FANCA: variants seen among roughly 807,000 people sequenced by gnomAD.
FANCA encodes FA complementation group A.
FANCA carries 236 observed loss-of-function variants against 194.3 expected under a neutral mutation model. The ratio of observed to expected loss-of-function variants is 1.21; its 90% confidence interval spans 1.09 to 1.35. The LOEUF is 1.35. Among genes scored for constraint, FANCA ranks in the 40% most tolerant of loss-of-function variants. FANCA has a pLI of 0.00. For synonymous variants in FANCA, 1,014 were observed against 715.8 expected (o/e 1.42, Z -6.65); for missense variants, 2,628 against 1,813.9 (o/e 1.45, Z -8.15).
At chr16:89,811,211 G>C (rs879595670) in intron 3 of FANCA, 140 bp from the exon 4 acceptor site, 1 of 1,006,150 alleles carries the variant, frequency 9.9e-7, no homozygotes, top group Non-Finnish European at 1.5e-6. Flanking sequence ...TAGATGCAAA[G>C]GGAAAAACAT....
At chr16:89,780,099 C>A (rs1277325309) in intron 17 of FANCA, 142 bp from the exon 18 acceptor site, 1 of 779,140 alleles carries the variant, frequency 1.3e-6, no homozygotes, top group Admixed American at 2.0e-5. Context: ...GCTGTGCGCA[C>A]AGCAGGGGCC....
chr16:89,771,290 C>G (rs1448266604), intron 23 of FANCA, among the ~76,000 whole-genome samples: 1 of 151,998 alleles, frequency 6.6e-6, no homozygotes, highest in African/African-American at 2.4e-5. Context: ...GAAACCCCAA[C>G]TGTACAAAAA....
At chr16:89,746,970 T>C in intron 33 of FANCA, 80 bp from the exon 34 acceptor site, 3 of 1,346,028 alleles carry the variant, frequency 2.2e-6, no homozygotes, top group South Asian at 1.3e-5. Context: ...TGCTGTGGAT[T>C]CAGTTTTGAG....
rs2062031274 is a variant in FANCA, at chr16:89,738,686, C to G, written c.4283G>C (p.Cys1428Ser). 4 of 1,613,838 alleles carry G rather than the reference C, an allele frequency of 2.5e-6. No individual in the cohort carries two copies. Among genetic ancestry groups the G allele is most frequent in the African/African-American group, 1.3e-5 (1 of 74,938 alleles). ...VAELLADRGD[C>S]DPEVSAALQS... ...GAGGGCGGCGCTCACCTCTGGGTCGCAGTCCCCACGATCAGCCAGCAGCTG... is the reference window on the plus strand; with the variant it reads ...GAGGGCGGCGCTCACCTCTGGGTCGGAGTCCCCACGATCAGCCAGCAGCTG... The change falls in exon 43 of 43, where the codon TGC (cysteine) becomes TCC (serine). Residue 1428 changes from cysteine (C) to serine (S), a missense_variant. By Grantham distance (112) the Cys-to-Ser change is moderately radical. Coordinates refer to ENST00000389301, the MANE Select transcript of FANCA (RefSeq NM_000135.4).
Position 89,742,896 on chromosome 16 carries a change from G to A in FANCA, c.3669C>T (p.Asp1223=), listed in dbSNP as rs187074190. 2.4e-5 allele frequency: 38 copies of A among 1,614,186 alleles called. 1 individual carries two copies. The Admixed American group carries it at 5.5e-4, about 23-fold the overall frequency. ...AGTGCAGTGCAGCAGCTGAGAGCCA[G>A]TCCGGGTTGGGTGCTGGGGAGGCAG... The part of the protein sequence containing the change: ...PEAASPAPNP[D]WLSAAALHFA... Residue 1223 remains aspartate (D), a synonymous_variant, in exon 37 of 43, where the codon GAC becomes GAT. Transcript: ENST00000389301.
At chr16:89,751,989 C>A in intron 31 of FANCA, 149 bp downstream of exon 31, 4 of 768,866 alleles carry the variant, frequency 5.2e-6, no homozygotes, top group Non-Finnish European at 2.4e-6. Context: ...CCAGCATGGT[C>A]TCGATCTCCT....
In FANCA at chr16:89,815,876, C is replaced by T. The variant is rs891323617; in HGVS notation, c.189+1G>A. ...GCAGACGGACACCAGCTTCCTCTTACCTCAAGCAAAAGGGCATTCAGGTCC... is the reference window on the plus strand; with the variant it reads ...GCAGACGGACACCAGCTTCCTCTTATCTCAAGCAAAAGGGCATTCAGGTCC... On this transcript the variant is annotated splice_donor_variant, in intron 2 of 42. Coordinates refer to ENST00000389301, the MANE Select transcript of FANCA (RefSeq NM_000135.4). LOFTEE classifies it high-confidence loss of function. The T allele has an allele frequency of 1.2e-6, 2 of 1,610,656 alleles. No homozygotes were observed. The highest frequency in any genetic ancestry group is 3.3e-4 in the Middle Eastern group (2 of 6,058).
chr16:89,738,445 C>T lies in FANCA; in HGVS notation c.*156G>A, dbSNP rs1013197020. The T allele has an allele frequency of 2.1e-6, 3 of 1,395,388 alleles. No individual in the cohort carries two copies. The African/African-American group carries it at 4.3e-5, about 20-fold the overall frequency. The allele number at this position is 1,395,388 out of a possible 1,614,324, so 86.4% of individuals were successfully genotyped here. ...TTATTTTCCCGCAAACGCTGAGTGA[C>T]TCGGGGCCGGACAGTTCATAAATAA... On this transcript the variant is annotated 3_prime_UTR_variant, in exon 43 of 43. Coordinates refer to ENST00000389301, the MANE Select transcript of FANCA (RefSeq NM_000135.4).
chr16:89,799,192 G>A lies in FANCA; in HGVS notation c.867C>T (p.Ser289=), dbSNP rs1463784702. ...AGCACCTCACGATCTTGTGAGTGGA[G>A]GACTCCTCCTGTACTCCAGCAGCCA... The part of the protein sequence containing the change: ...DALAAGVQEE[S]STHKIVRCWF... The change falls in exon 10 of 43, where the codon TCC becomes TCT. Residue 289 remains serine, a synonymous_variant. Transcript: ENST00000389301. 5 of 1,614,118 alleles carry A rather than the reference G, an allele frequency of 3.1e-6. No homozygotes were observed. The South Asian group carries it at 5.5e-5, about 18-fold the overall frequency.
chr16:89,743,880 T>C lies in FANCA; in HGVS notation c.3627-942A>G, dbSNP rs2062188158. Among the ~76,000 whole-genome samples, 4 of 151,880 alleles carry C rather than the reference T, an allele frequency of 2.6e-5. No homozygotes were observed. The South Asian group carries it at 8.3e-4, about 32-fold the overall frequency. On this transcript the variant is annotated intron_variant, in intron 36 of 42. Coordinates refer to ENST00000389301, the MANE Select transcript of FANCA (RefSeq NM_000135.4). ...ACAATCTGATCTGTGTTTGTAGAATTAGAACTGGAGGTGTGACCTGCTTTC... is the reference window on the plus strand; with the variant it reads ...ACAATCTGATCTGTGTTTGTAGAATCAGAACTGGAGGTGTGACCTGCTTTC...
At chr16:89,771,637 T>G in intron 23 of FANCA, 41 bp downstream of exon 23, 1 of 1,611,026 alleles carries the variant, frequency 6.2e-7, no homozygotes, top group Non-Finnish European at 8.5e-7. Context: ...TAATGGAAAA[T>G]GGTGAAGACC....
At chr16:89,744,601 T>C in intron 36 of FANCA, 1 of 358,900 alleles carries the variant, frequency 2.8e-6, no homozygotes, top group Non-Finnish European at 5.4e-6. Flanking sequence ...TCACTCGAGC[T>C]CCTCACTCAG....
intron 11 of FANCA, chr16:89,792,833 A>G (rs1598154280): frequency 5.1e-6 from 2 of 390,978 alleles, no homozygotes; most frequent in South Asian, 2.1e-5. Context: ...GTCATCTCCA[A>G]TGATAGGTAA....
chr16:89,813,139 G>A (rs374344595), intron 3 of FANCA, among the ~76,000 whole-genome samples: 1 of 151,608 alleles, frequency 6.6e-6, no homozygotes, highest in South Asian at 2.1e-4. Context: ...GACAGATGGG[G>A]CACAGTGGCT....
chr16:89,749,984 G>C, intron 31 of FANCA, 82 bp from the exon 32 acceptor site: 3 of 1,447,010 alleles, frequency 2.1e-6, no homozygotes, highest in Non-Finnish European at 2.9e-6. Context: ...TCAGGGGTCA[G>C]GGAGAGGTCT....
At chr16:89,774,648 T>C (rs1047405803) in intron 21 of FANCA, among the ~76,000 whole-genome samples, 2 of 140,156 alleles carry the variant, frequency 1.4e-5, no homozygotes, top group Non-Finnish European at 3.0e-5. Flanking sequence ...GAGAATGGCA[T>C]GAACCTGGGA....
At position 89,738,120 on chromosome 16, in the gene FANCA, G is replaced by T. The variant is rs2062009926; in HGVS notation, c.*481C>A. The T allele has an allele frequency of 5.6e-6, 9 of 1,613,862 alleles. No homozygotes were observed. Among genetic ancestry groups the T allele is most frequent in the Non-Finnish European group, 7.6e-6 (9 of 1,180,022 alleles). ...AGGCCCACAACCTCAATGTACACAT[G>T]TCCATGGTGCACCCGCTGACACAGA... On this transcript the variant is annotated 3_prime_UTR_variant, in exon 43 of 43. Coordinates refer to ENST00000389301, the MANE Select transcript of FANCA (RefSeq NM_000135.4).
Position 89,798,956 on chromosome 16 carries a change from G to T in FANCA, c.893+210C>A. ...GGATACTGCAGTGGGCGCACCTTCC[G>T]ACCTCATCCTCACAGGAAAAGGCTG... On this transcript the variant is annotated intron_variant, in intron 10 of 42. Coordinates refer to ENST00000389301, the MANE Select transcript of FANCA (RefSeq NM_000135.4). 3 of 1,611,860 alleles carry T rather than the reference G, an allele frequency of 1.9e-6. No individual in the cohort carries two copies. In the South Asian group the frequency reaches 3.3e-5, roughly 18 times the overall value.
chr16:89,767,053 C>G, intron 27 of FANCA, 88 bp downstream of exon 27: 1 of 1,053,150 alleles, frequency 9.5e-7, no homozygotes, highest in Non-Finnish European at 1.5e-6. Context: ...GGGCACAAAG[C>G]GGCAGCAGAC....
Sources: allele counts gnomAD v4.1 joint callset (sites outside exome capture counted in the v4.1 genomes callset), GRCh38; gene constraint gnomAD v4.1.1; transcripts MANE v1.5; gene names NCBI Gene and HGNC (gene_info 2026-07-23, HGNC 2026-07-21).